The following NUBPL variants were observed in gnomAD, a reference collection of about 807,000 sequenced individuals.
NUBPL encodes the protein NUBP iron-sulfur cluster assembly factor, mitochondrial, also known as iron-sulfur cluster transfer protein NUBPL.
A neutral mutation model predicts 45.7 loss-of-function variants in NUBPL; 31 were observed. The ratio of observed to expected loss-of-function variants is 0.68; its 90% CI spans 0.51 to 0.92. The LOEUF (loss-of-function observed/expected upper bound fraction) is 0.92, where lower values mean the gene tolerates loss of function less well. NUBPL is among the 40% of genes least tolerant of loss of function. NUBPL has a pLI of 0.00. For synonymous variants in NUBPL, 144 were observed against 140.9 expected (o/e 1.02, Z -0.15); for missense variants, 401 against 398.7 (o/e 1.01, Z -0.05).
chr14:31,790,633 C>T (rs906884478), intron 7 of NUBPL, among the ~76,000 whole-genome samples: 5 of 151,864 alleles, frequency 3.3e-5, no homozygotes, highest in Non-Finnish European at 5.9e-5. Context: ...AGGCAGATCA[C>T]GAGGTCAGGA....
At chr14:31,593,440 G>T (rs1365534071) in intron 3 of NUBPL, among the ~76,000 whole-genome samples, 1 of 150,878 alleles carries the variant, frequency 6.6e-6, no homozygotes, top group Non-Finnish European at 1.5e-5. Context: ...CGTGAACCCG[G>T]GAGGCGGAGC....
intron 4 of NUBPL, among the ~76,000 whole-genome samples, chr14:31,630,997 CT>C (rs1269433996): frequency 6.6e-6 from 1 of 152,070 alleles, no homozygotes; most frequent in African/African-American, 2.4e-5. Context: ...GCTGCCTTGG[CT>C]TCCCCTAACT....
intron 6 of NUBPL, among the ~76,000 whole-genome samples, chr14:31,778,468 G>A (rs533980414): frequency 2.0e-5 from 3 of 152,322 alleles, no homozygotes; most frequent in South Asian, 4.1e-4. Context: ...TCGGGTCTTT[G>A]TTATTGGGCT....
chr14:31,564,316 A>G (rs1292357875), intron 2 of NUBPL, among the ~76,000 whole-genome samples: 1 of 152,034 alleles, frequency 6.6e-6, no homozygotes, highest in Non-Finnish European at 1.5e-5. Context: ...CCCTCTGTGC[A>G]CAGTAGTCCA....
intron 9 of NUBPL, 159 bp from the exon 10 acceptor site, chr14:31,849,960 C>T (rs911750349): frequency 6.1e-6 from 4 of 657,824 alleles, no homozygotes; most frequent in Non-Finnish European, 1.1e-5. Context: ...TTTGTAATTC[C>T]CATTTGAAAT....
At chr14:31,817,369 A>G (rs2039939333) in intron 7 of NUBPL, among the ~76,000 whole-genome samples, 1 of 152,174 alleles carries the variant, frequency 6.6e-6, no homozygotes, top group South Asian at 2.1e-4. Flanking sequence ...CCCAAGACAT[A>G]TAATTATCAG....
In NUBPL at chr14:31,841,899, G is replaced by A. The variant is rs1413026983; in HGVS notation, c.694-4572G>A. Among the ~76,000 whole-genome samples the A allele has an allele frequency of 5.5e-5, 6 of 109,466 alleles. 1 individual carries two copies. Among genetic ancestry groups the A allele is most frequent in the Non-Finnish European group, 1.1e-4 (6 of 52,734 alleles). 71.8% of individuals were successfully genotyped at this position (109,466 alleles called of 152,430 possible). A position where few individuals can be genotyped will look rare whatever the true frequency, so the allele number is the denominator to read the frequency against. On this transcript the variant is annotated intron_variant, in intron 8 of 10. Coordinates refer to ENST00000281081, the MANE Select transcript of NUBPL (RefSeq NM_025152.3). ...TCCATTGTAACTTAGTGACTTTCAT[G>A]TATGGGTCGATTCTGGGCTTTTTTT...
At chr14:31,826,358 C>T (rs1423260248) in intron 7 of NUBPL, among the ~76,000 whole-genome samples, 3 of 151,968 alleles carry the variant, frequency 2.0e-5, no homozygotes, top group African/African-American at 4.8e-5. Flanking sequence ...TGACCCCAAA[C>T]GATCTGCCCA....
chr14:31,754,709 TTATTA>T (rs2038616191), intron 6 of NUBPL, among the ~76,000 whole-genome samples: 1 of 151,482 alleles, frequency 6.6e-6, no homozygotes, highest in African/African-American at 2.4e-5. Flanking sequence ...TTTTTTATTA[TTATTA>T]TACTTTAAGT....
chr14:31,781,087 A>G (rs1471555840), intron 6 of NUBPL, among the ~76,000 whole-genome samples: 2 of 152,344 alleles, frequency 1.3e-5, no homozygotes, highest in African/African-American at 4.8e-5. Flanking sequence ...AGCTTGATTT[A>G]GGATTTGGAT....
intron 6 of NUBPL, among the ~76,000 whole-genome samples, chr14:31,713,304 T>A (rs1419969549): frequency 3.3e-5 from 5 of 152,238 alleles, no homozygotes; most frequent in Non-Finnish European, 5.9e-5. Context: ...TACCTTACCA[T>A]AGTTTTTCGT....
chr14:31,752,881 G>A (rs2038563191), intron 6 of NUBPL, among the ~76,000 whole-genome samples: 1 of 152,180 alleles, frequency 6.6e-6, no homozygotes, highest in Admixed American at 6.5e-5. Context: ...TTACAATCAT[G>A]GCAGAAGTGG....
At chr14:31,815,120 C>G (rs1344362297) in intron 7 of NUBPL, among the ~76,000 whole-genome samples, 1 of 152,136 alleles carries the variant, frequency 6.6e-6, no homozygotes, top group Non-Finnish European at 1.5e-5. Context: ...ATATAAATTA[C>G]TTTGGGCAGT....
At chr14:31,803,689 A>T (rs963229934) in intron 7 of NUBPL, among the ~76,000 whole-genome samples, 1 of 152,168 alleles carries the variant, frequency 6.6e-6, no homozygotes. Context: ...CATGATGTAG[A>T]AAGAGTTATT....
At chr14:31,596,488 C>CA (rs1555315305) in intron 3 of NUBPL, among the ~76,000 whole-genome samples, 1 of 151,800 alleles carries the variant, frequency 6.6e-6, no homozygotes, top group Non-Finnish European at 1.5e-5. Context: ...CAAATCCTGC[C>CA]GTTTTTTGTG....
At chr14:31,811,512 A>G (rs543182179) in intron 7 of NUBPL, among the ~76,000 whole-genome samples, 1 of 152,202 alleles carries the variant, frequency 6.6e-6, no homozygotes, top group South Asian at 2.1e-4. Context: ...TCAGTTAGCC[A>G]TTCGTCTAAT....
At chr14:31,785,771 C>T (rs1188862697) in intron 6 of NUBPL, among the ~76,000 whole-genome samples, 1 of 152,140 alleles carries the variant, frequency 6.6e-6, no homozygotes, top group Non-Finnish European at 1.5e-5. Flanking sequence ...ATGGCTGGCA[C>T]CCAGTCAATT....
intron 4 of NUBPL, among the ~76,000 whole-genome samples, chr14:31,644,542 A>G (rs1354751941): frequency 1.3e-5 from 2 of 151,856 alleles, no homozygotes; most frequent in Admixed American, 1.3e-4. Flanking sequence ...ACTTTTTTGT[A>G]TTTGTTGAGA....
At chr14:31,727,137 G>A (rs1566526237) in intron 6 of NUBPL, among the ~76,000 whole-genome samples, 1 of 152,154 alleles carries the variant, frequency 6.6e-6, no homozygotes. Flanking sequence ...TGTCATTTAA[G>A]GAAAGCTCAT....
Sources: gnomAD v4.1 joint callset for allele counts (sites outside exome capture counted in the v4.1 genomes callset) on GRCh38, gnomAD v4.1.1 for gene constraint, MANE v1.5 for transcripts, NCBI Gene and HGNC (gene_info 2026-07-23, HGNC 2026-07-21) for gene names.